Variants in SDK2 observed in about 807,000 individuals in gnomAD.
The protein encoded by SDK2 is sidekick cell adhesion molecule 2, also known as protein sidekick-2.
SDK2 carries 105 observed loss-of-function variants against 253.9 expected under a neutral mutation model. The ratio of observed to expected loss-of-function variants is 0.41; its 90% confidence interval spans 0.35 to 0.49. The LOEUF (loss-of-function observed/expected upper bound fraction) is 0.49, where lower values mean the gene tolerates loss of function less well. SDK2 is among the 20% of genes least tolerant of loss of function. The probability of loss-of-function intolerance (pLI) is 0.06; values close to 1 mark genes in which losing one functional copy is unlikely to be tolerated. For synonymous variants in SDK2, 1,249 were observed against 1,234.9 expected (o/e 1.01, Z -0.24); for missense variants, 2,608 against 3,003.0 (o/e 0.87, Z 3.07).
intron 33 of SDK2, among the ~76,000 whole-genome samples, chr17:73,382,155 T>C (rs1294144299): frequency 6.6e-6 from 1 of 151,074 alleles, no homozygotes; most frequent in Non-Finnish European, 1.5e-5. Context: ...AGGCGGAGGT[T>C]GCAGTGAGCT....
intron 12 of SDK2, among the ~76,000 whole-genome samples, chr17:73,426,786 G>A (rs906465516): frequency 3.3e-5 from 5 of 152,114 alleles, no homozygotes; most frequent in African/African-American, 4.8e-5. Context: ...TAATTCCCAT[G>A]TAAGAAATAG....
At position 73,430,602 on chromosome 17, in the gene SDK2, T is replaced by C; in HGVS notation, c.1492A>G (p.Ile498Val). Residue 498 changes from isoleucine to valine, a missense_variant, in exon 12 of 45, where the codon ATC (isoleucine) becomes GTC (valine). Ile to Val is a conservative substitution (Grantham distance 29). Around this residue, in one of 2 missense-constraint regions of SDK2, gnomAD observed 1,505 missense variants for 1,859.1 expected, o/e 0.81. Transcript: ENST00000392650. ...CTCTGATCCTGGGGGGGCTTGGTGA[T>C]GCGGGTCCGAGCTGAAAGATACAGC... ...ADLVVWARTR[I>V]TKPPQDQSVI... 2 of 1,571,600 alleles carry C rather than the reference T, an allele frequency of 1.3e-6. No homozygotes were observed. Among genetic ancestry groups the C allele is most frequent in the Non-Finnish European group, 1.7e-6 (2 of 1,157,870 alleles).
intron 41 of SDK2, among the ~76,000 whole-genome samples, chr17:73,351,370 A>G (rs1373910308): frequency 1.3e-5 from 2 of 152,124 alleles, no homozygotes; most frequent in African/African-American, 4.8e-5. Flanking sequence ...TCGGCCTCCC[A>G]AAGTGTTGGG....
At chr17:73,434,415 A>T (rs1298408368) in intron 9 of SDK2, among the ~76,000 whole-genome samples, 1 of 152,194 alleles carries the variant, frequency 6.6e-6, no homozygotes, top group African/African-American at 2.4e-5. Flanking sequence ...GTTCACCTGC[A>T]CTTGGAAGCC....
At chr17:73,550,277 C>T (rs1424843244) in intron 1 of SDK2, among the ~76,000 whole-genome samples, 2 of 152,122 alleles carry the variant, frequency 1.3e-5, no homozygotes, top group East Asian at 1.9e-4. Context: ...GGCCTCCTAG[C>T]GACTCTGCTC....
Position 73,643,835 on chromosome 17 carries a change from G to A in SDK2, c.64+190C>T, listed in dbSNP as rs1292018029. Among the ~76,000 whole-genome samples the A allele has an allele frequency of 6.6e-6, 1 of 152,076 alleles. No individual in the cohort carries two copies. The highest frequency in any genetic ancestry group is 1.5e-5 in the Non-Finnish European group (1 of 67,996). On this transcript the variant is annotated intron_variant, in intron 1 of 44. Transcript: ENST00000392650. This position sits in a 1 kb window ranked among gnomAD's most constrained non-coding sequence, Gnocchi z 6.9. ...CCATTCGGAAGCCACAAGTCTCGGA[G>A]AGACTGCCCCACCCCCAAAAGAGCC...
In SDK2 at chr17:73,410,773, A is replaced by T. The variant is rs145521858; in HGVS notation, c.2484+3871T>A. 3.9e-5 allele frequency among the ~76,000 whole-genome samples: 6 copies of T among 152,076 alleles called. No homozygotes were observed. The East Asian group carries it at 1.2e-3, about 29-fold the overall frequency. On this transcript the variant is annotated intron_variant, in intron 18 of 44. Coordinates refer to ENST00000392650, the MANE Select transcript of SDK2 (RefSeq NM_001144952.2). ...TGTGCTCAAAACGTCTGGGCAATTC[A>T]CTCCTGCTGACCTTTATCGAGTAGC...
intron 1 of SDK2, among the ~76,000 whole-genome samples, chr17:73,545,604 G>A (rs994824339): frequency 6.6e-5 from 10 of 152,214 alleles, no homozygotes; most frequent in African/African-American, 2.4e-4. Context: ...TGGGGCCTCA[G>A]AAGGCGGATC....
chr17:73,595,171 T>C (rs1409618838), intron 1 of SDK2, among the ~76,000 whole-genome samples: 1 of 151,186 alleles, frequency 6.6e-6, no homozygotes, highest in Non-Finnish European at 1.5e-5. Context: ...ACAGAAGGGG[T>C]GTCAGTGAGA....
At chr17:73,459,781 G>A (rs1020061522) in intron 3 of SDK2, among the ~76,000 whole-genome samples, 2 of 151,454 alleles carry the variant, frequency 1.3e-5, no homozygotes, top group African/African-American at 2.4e-5. Context: ...CTCTCACCTC[G>A]GTCTCCCAAA....
At chr17:73,397,988 C>T (rs1568381927) in intron 24 of SDK2, 47 bp downstream of exon 24, 1 of 1,597,206 alleles carries the variant, frequency 6.3e-7, no homozygotes, top group South Asian at 1.1e-5. Context: ...AGGCAATGAC[C>T]AGAAGCTCAT....
intron 14 of SDK2, among the ~76,000 whole-genome samples, chr17:73,422,903 C>T (rs2063244420): frequency 6.6e-6 from 1 of 152,068 alleles, no homozygotes; most frequent in Non-Finnish European, 1.5e-5. Context: ...TGCCTGTAAT[C>T]CCAACTACTT....
chr17:73,383,575 C>T lies in SDK2; in HGVS notation c.4705+301G>A, dbSNP rs2062849170. Among the ~76,000 whole-genome samples, 2 of 152,208 alleles carry T rather than the reference C, an allele frequency of 1.3e-5. No individual in the cohort carries two copies. The highest frequency in any genetic ancestry group is 4.1e-4 in the South Asian group (2 of 4,832). On this transcript the variant is annotated intron_variant, in intron 33 of 44. Coordinates refer to ENST00000392650, the MANE Select transcript of SDK2 (RefSeq NM_001144952.2). The surrounding 1 kb of genome is among the most constrained non-coding windows in gnomAD (Gnocchi z 4.3). ...CCTTGCCTGTCCCTGGCTTTAGGTC[C>T]TCCTAGAATGTTTCCTTCCCAGCTC...
Position 73,612,205 on chromosome 17 carries a change from T to TG in SDK2, c.64+31819dup, listed in dbSNP as rs887828179. 1.3e-4 allele frequency among the ~76,000 whole-genome samples: 20 copies of TG among 152,206 alleles called. No individual in the cohort carries two copies. Among genetic ancestry groups the TG allele is most frequent in the African/African-American group, 4.8e-4 (20 of 41,452 alleles). On this transcript the variant is annotated intron_variant, in intron 1 of 44. Transcript: ENST00000392650. The surrounding 1 kb of genome is among the most constrained non-coding windows in gnomAD (Gnocchi z 4.4). Reference sequence around the variant, plus strand: ...GATAAATGCAAGTACACCACAGTGGTGGCCCAGCTGCACCCGGGCTGCAGG... The same window carrying TG: ...GATAAATGCAAGTACACCACAGTGGTGGGCCCAGCTGCACCCGGGCTGCAGG...
rs1410044466 is a variant in SDK2 at position 73,644,403 on chromosome 17, C to A, written c.-315G>T. 6.6e-6 allele frequency among the ~76,000 whole-genome samples: 1 copy of A among 152,120 alleles called. No homozygotes were observed. The highest frequency in any genetic ancestry group is 1.5e-5 in the Non-Finnish European group (1 of 68,002). On this transcript the variant is annotated 5_prime_UTR_variant, in exon 1 of 45. Coordinates refer to ENST00000392650, the MANE Select transcript of SDK2 (RefSeq NM_001144952.2). This position sits in a 1 kb window ranked among gnomAD's most constrained non-coding sequence, Gnocchi z 6.3. ...CAACTCCGACTTCTCCCAAACAGGG[C>A]GGCCTCTGCGATCCGGCCGGGTCGC...
intron 29 of SDK2, among the ~76,000 whole-genome samples, chr17:73,388,362 G>A (rs2062892149): frequency 6.6e-6 from 1 of 152,154 alleles, no homozygotes; most frequent in Admixed American, 6.5e-5. Flanking sequence ...AAACGAGGCT[G>A]AGCCGGGCCC....
At chr17:73,416,984 T>G (rs1214871517) in intron 16 of SDK2, among the ~76,000 whole-genome samples, 1 of 152,164 alleles carries the variant, frequency 6.6e-6, no homozygotes, top group East Asian at 1.9e-4. Context: ...CTAGAAACAT[T>G]GAAAAAATTA....
chr17:73,388,796 C>CTCCTTCCTTCCTTCCCTCCCTCTCCT (rs1358255241), intron 29 of SDK2, among the ~76,000 whole-genome samples: 1 of 59,550 alleles, frequency 1.7e-5, no homozygotes, highest in African/African-American at 5.1e-5. Context: ...CCTTCCCTCC[C>CTCCTTCCTTCCTTCCCTCCCTCTCCT]TCCTTCCTTC....
Position 73,582,221 on chromosome 17 carries a change from C to T in SDK2, c.64+61804G>A, listed in dbSNP as rs1490879425. On this transcript the variant is annotated intron_variant, in intron 1 of 44. Coordinates refer to ENST00000392650, the MANE Select transcript of SDK2 (RefSeq NM_001144952.2). Reference sequence around the variant, plus strand: ...CCACGCAGGCATCAGCATTTGGGGGCGCACACCACGCAGGCATCAGCATTT... The same window carrying T: ...CCACGCAGGCATCAGCATTTGGGGGTGCACACCACGCAGGCATCAGCATTT... Among the ~76,000 whole-genome samples the T allele has an allele frequency of 1.2e-3, 142 of 117,520 alleles. 4 individuals carry two copies. The East Asian group carries it at 0.024, about 20-fold the overall frequency. 77.1% of individuals were successfully genotyped at this position (117,520 alleles called of 152,430 possible).
Sources: gnomAD v4.1 joint callset for allele counts (sites outside exome capture counted in the v4.1 genomes callset) on GRCh38, gnomAD v4.1.1 for gene constraint, gnomAD v4.1.1 regional missense constraint, Gnocchi (gnomAD v3.1) non-coding constraint, MANE v1.5 for transcripts, NCBI Gene and HGNC (gene_info 2026-07-23, HGNC 2026-07-21) for gene names.